Variants in LMTK3 observed in about 807,000 individuals in gnomAD.
LMTK3 encodes the protein serine/threonine-protein kinase LMTK3.
LMTK3 carries 27 observed loss-of-function variants against 116.7 expected under a neutral mutation model. The observed-to-expected ratio is 0.23, with a 90% CI of 0.17 to 0.32. LMTK3 has a LOEUF of 0.32. Ranked by LOEUF, LMTK3 falls within the 10% of genes least tolerant of loss-of-function variation. LMTK3 has a pLI of 1.00. For missense variants in LMTK3, 1,764 were observed against 2,068.5 expected, an observed-to-expected ratio of 0.85 and a Z score of 2.86; for synonymous variants, 965 against 971.0, an observed-to-expected ratio of 0.99 and a Z score of 0.11.
chr19:48,509,243 C>T (rs529008034), intron 4 of LMTK3, among the ~76,000 whole-genome samples, 194 bp downstream of exon 4: 1 of 142,616 alleles, frequency 7.0e-6, no homozygotes, highest in South Asian at 2.6e-4. Context: ...AGGAGGGAGG[C>T]GCTGACTGAC....
intron 14 of LMTK3, among the ~76,000 whole-genome samples, chr19:48,487,179 G>C (rs576247215): frequency 1.5e-4 from 23 of 151,992 alleles, no homozygotes; most frequent in Admixed American, 3.9e-4. Flanking sequence ...AGATTACAGA[G>C]GTGTGCCACC....
At position 48,485,511 on chromosome 19, in the gene LMTK3, C is replaced by G. The variant is rs1972105932; in HGVS notation, c.*262G>C. On this transcript the variant is annotated 3_prime_UTR_variant, in exon 15 of 15. Coordinates refer to ENST00000600059, the MANE Select transcript of LMTK3 (RefSeq NM_001388485.1). ...CAGTTCAGTTCCGAGAAAGGCGGCTCTCTATGGAGGGGCGGGGGGATTCCT... is the reference window on the plus strand; with the variant it reads ...CAGTTCAGTTCCGAGAAAGGCGGCTGTCTATGGAGGGGCGGGGGGATTCCT... 2 of 505,132 alleles carry G rather than the reference C, an allele frequency of 4.0e-6. No homozygotes were observed. The highest frequency in any genetic ancestry group is 7.1e-6 in the Non-Finnish European group (2 of 283,464). The allele number at this position is 505,132 out of a possible 1,614,324, so 31.3% of individuals were successfully genotyped here.
chr19:48,505,879 G>A (rs922649429), intron 5 of LMTK3, among the ~76,000 whole-genome samples: 15 of 137,520 alleles, frequency 1.1e-4, no homozygotes, highest in African/African-American at 3.3e-4. Flanking sequence ...AAAAAAAAAA[G>A]TCTGTAATCC....
chr19:48,503,479 C>G (rs959637253), intron 5 of LMTK3, among the ~76,000 whole-genome samples: 3 of 152,060 alleles, frequency 2.0e-5, no homozygotes, highest in Admixed American at 1.3e-4. Context: ...TCCCCAGGGA[C>G]CCCTTTACCT....
chr19:48,493,691 C>T lies in LMTK3; in HGVS notation c.4092+3G>A. 6.4e-7 allele frequency: 1 copy of T among 1,566,298 alleles called. No homozygotes were observed. ...CGAAACCGCGCCCTCTCGGGTTCCG[C>T]ACCTGGTCGAAGAGGTAGACGGTCA... On this transcript the variant is annotated splice_donor_region_variant and intron_variant, in intron 12 of 14. Coordinates refer to ENST00000600059, the MANE Select transcript of LMTK3 (RefSeq NM_001388485.1).
At chr19:48,490,797 A>G (rs538429644) in intron 14 of LMTK3, among the ~76,000 whole-genome samples, 17 of 152,308 alleles carry the variant, frequency 1.1e-4, no homozygotes, top group Non-Finnish European at 2.4e-4. Context: ...GGCAAGTGCC[A>G]GGCCGGAGTC....
In LMTK3 at chr19:48,509,422, C is replaced by G. The variant is rs1192898198; in HGVS notation, c.438+15G>C. 6.4e-7 allele frequency: 1 copy of G among 1,551,480 alleles called. No individual in the cohort carries two copies. Among genetic ancestry groups the G allele is most frequent in the African/African-American group, 1.4e-5 (1 of 73,010 alleles). ...GGATCCATGGAGCCCTGCCTCCCCT[C>G]CCCAGCCCACTCACCTTCCCAAACC... On this transcript the variant is annotated intron_variant, in intron 4 of 14. Transcript: ENST00000600059.
intron 11 of LMTK3, among the ~76,000 whole-genome samples, chr19:48,496,556 C>T (rs999658806): frequency 2.0e-5 from 3 of 152,252 alleles, no homozygotes; most frequent in Non-Finnish European, 4.4e-5. Flanking sequence ...ACCTCGGCCT[C>T]CCAAAGTGCT....
intron 5 of LMTK3, 127 bp downstream of exon 5, chr19:48,508,724 G>A (rs1462288138): frequency 2.6e-6 from 2 of 768,344 alleles, no homozygotes; most frequent in Non-Finnish European, 4.5e-6. Flanking sequence ...GGTTCAGGGA[G>A]GGAAGTTCTC....
At position 48,510,656 on chromosome 19, in the gene LMTK3, C is replaced by T; in HGVS notation, c.77-64G>A. 15 of 1,472,310 alleles carry T rather than the reference C, an allele frequency of 1.0e-5. 1 individual carries two copies. In the South Asian group the frequency reaches 1.9e-4, roughly 19 times the overall value. The allele number at this position is 1,472,310 out of a possible 1,614,324, so 91.2% of individuals were successfully genotyped here. A position where few individuals can be genotyped will look rare whatever the true frequency, so the allele number is the denominator to read the frequency against. ...TCCCTGGATACCGGAATCATGCCCCCTCCCGTCCCGGCACGTCTTGGACTA... is the reference window on the plus strand; with the variant it reads ...TCCCTGGATACCGGAATCATGCCCCTTCCCGTCCCGGCACGTCTTGGACTA... On this transcript the variant is annotated intron_variant, in intron 1 of 14. Coordinates refer to ENST00000600059, the MANE Select transcript of LMTK3 (RefSeq NM_001388485.1).
chr19:48,511,367 T>C (rs1444595018), intron 1 of LMTK3, 134 bp downstream of exon 1: 2 of 262,674 alleles, frequency 7.6e-6, no homozygotes, highest in African/African-American at 2.4e-5. Flanking sequence ...TCCCCGCCGC[T>C]CCGGGCCCTG....
Position 48,493,732 on chromosome 19 carries a change from A to C in LMTK3, c.4054T>G (p.Ser1352Ala). The stretch of plus-strand genomic sequence containing the variant: ...TAGACGGTCACGTCCCCGTGGAAGG[A>C]GACCATCTTGCGCTTCCTCTCCAGC... ...SELERKRKMV[S>A]FHGDVTVYLF... The change falls in exon 12 of 15, where the codon TCC (serine) becomes GCC (alanine). Residue 1352 changes from serine (S) to alanine (A), a missense_variant. Ser to Ala is a moderately conservative substitution (Grantham distance 99). Around this residue, in one of 7 missense-constraint regions of LMTK3, gnomAD observed 281 missense variants for 301.4 expected, o/e 0.93. Coordinates refer to ENST00000600059, the MANE Select transcript of LMTK3 (RefSeq NM_001388485.1). 6.3e-7 allele frequency: 1 copy of C among 1,575,976 alleles called. No homozygotes were observed. Among genetic ancestry groups the C allele is most frequent in the Non-Finnish European group, 8.6e-7 (1 of 1,162,668 alleles).
chr19:48,498,669 A>C lies in LMTK3; in HGVS notation c.2400T>G (p.Pro800=). ...PGDSGYETET[P]FSPEGAFPGG... Reference sequence around the variant, plus strand: ...CTGGGAAGGCTCCCTCTGGGGAAAAAGGGGTCTCGGTCTCGTAGCCGCTGT... The same window carrying C: ...CTGGGAAGGCTCCCTCTGGGGAAAACGGGGTCTCGGTCTCGTAGCCGCTGT... The change falls in exon 11 of 15, where the codon CCT becomes CCG. Residue 800 remains proline (P), a synonymous_variant. Coordinates refer to ENST00000600059, the MANE Select transcript of LMTK3 (RefSeq NM_001388485.1). The C allele has an allele frequency of 6.5e-7, 1 of 1,537,792 alleles. No homozygotes were observed. Among genetic ancestry groups the C allele is most frequent in the Non-Finnish European group, 8.7e-7 (1 of 1,144,624 alleles).
Position 48,500,662 on chromosome 19 carries a change from A to G in LMTK3, c.1151+334T>C, listed in dbSNP as rs1234938680. 1.3e-5 allele frequency among the ~76,000 whole-genome samples: 2 copies of G among 152,168 alleles called. No individual in the cohort carries two copies. The highest frequency in any genetic ancestry group is 2.9e-5 in the Non-Finnish European group (2 of 68,018). ...GGAAGATGCCCATAGAGAGAGGCTG[A>G]CGGGACCTGGAGGCAGAGGGGACAC... On this transcript the variant is annotated intron_variant, in intron 10 of 14. Coordinates refer to ENST00000600059, the MANE Select transcript of LMTK3 (RefSeq NM_001388485.1). This position sits in a 1 kb window ranked among gnomAD's most constrained non-coding sequence, Gnocchi z 4.0.
chr19:48,488,460 C>T (rs1002306713), intron 14 of LMTK3, among the ~76,000 whole-genome samples: 1 of 152,114 alleles, frequency 6.6e-6, no homozygotes, highest in Non-Finnish European at 1.5e-5. Flanking sequence ...CTACACCCAA[C>T]ATTGACTTCC....
chr19:48,499,499 G>A lies in LMTK3; in HGVS notation c.1570C>T (p.Leu524=). 7.0e-7 allele frequency: 1 copy of A among 1,432,234 alleles called. No homozygotes were observed. The highest frequency in any genetic ancestry group is 9.2e-7 in the Non-Finnish European group (1 of 1,088,416). 88.7% of individuals were successfully genotyped at this position (1,432,234 alleles called of 1,614,324 possible). A position where few individuals can be genotyped will look rare whatever the true frequency, so the allele number is the denominator to read the frequency against. Reference sequence around the variant, plus strand: ...GGGCTGCGGGCGCTGATGACAGGCAGCACGCTGGGCGTGGACAGCGCCTCG... The same window carrying A: ...GGGCTGCGGGCGCTGATGACAGGCAACACGCTGGGCGTGGACAGCGCCTCG... The part of the protein sequence containing the change: ...FYEALSTPSV[L]PVISARSPSV... Residue 524 remains leucine (L), a synonymous_variant, in exon 11 of 15, where the codon CTG becomes TTG. Coordinates refer to ENST00000600059, the MANE Select transcript of LMTK3 (RefSeq NM_001388485.1).
Position 48,499,809 on chromosome 19 carries a change from T to C in LMTK3, c.1260A>G (p.Pro420=). ...CGTCTCGGGGTGGGGGTGGCGGCGG[T>C]GGGGGCCGGGGAGGCCGCTCGGAGA... ...YLLSERPPRP[P]PPPPPPRDGP... is the part of the protein sequence containing the mutation. Residue 420 remains proline (P), a synonymous_variant, in exon 11 of 15, where the codon CCA becomes CCG. Transcript: ENST00000600059. The C allele has an allele frequency of 3.2e-6, 2 of 618,256 alleles. No homozygotes were observed. Among genetic ancestry groups the C allele is most frequent in the East Asian group, 9.2e-5 (1 of 10,860 alleles). 38.3% of individuals were successfully genotyped at this position (618,256 alleles called of 1,614,324 possible).
In LMTK3 at chr19:48,498,429, C is replaced by A. The variant is rs200612607; in HGVS notation, c.2640G>T (p.Ala880=). The A allele has an allele frequency of 1.2e-6, 2 of 1,606,406 alleles. No homozygotes were observed. Among genetic ancestry groups the A allele is most frequent in the Admixed American group, 1.7e-5 (1 of 58,926 alleles). The change falls in exon 11 of 15, where the codon GCG becomes GCT. Residue 880 remains alanine, a synonymous_variant. Transcript: ENST00000600059. The part of the protein sequence containing the change: ...VTRNLLGEKG[A]TARETGPRKA... ...TCCTGGGTCCTGTCTCCCGGGCTGTCGCCCCCTTCTCCCCCAGGAGGTTCC... is the reference window on the plus strand; with the variant it reads ...TCCTGGGTCCTGTCTCCCGGGCTGTAGCCCCCTTCTCCCCCAGGAGGTTCC...
chr19:48,501,326 C>T lies in LMTK3; in HGVS notation c.958G>A (p.Gly320Arg), dbSNP rs1972461971. ...AAPELLGELH[G>R]TFMVVDQSRE... is the part of the protein sequence containing the mutation. ...CTCTGGTCCACCACCATGAAGGTCC[C>T]GTGGAGCTCCCCGAGGAGCTCGGGC... The change falls in exon 9 of 15, where the codon GGG becomes AGG. Residue 320 changes from glycine to arginine, a missense_variant. By Grantham distance (125) the Gly-to-Arg change is moderately radical. This residue lies in a region of LMTK3 where 271 missense variants were observed against 478.2 expected (regional missense o/e 0.57). Transcript: ENST00000600059. 1 of 1,613,530 alleles carries T rather than the reference C, an allele frequency of 6.2e-7. No homozygotes were observed. The highest frequency in any genetic ancestry group is 8.5e-7 in the Non-Finnish European group (1 of 1,179,788).
Sources: gnomAD v4.1 joint callset for allele counts (sites outside exome capture counted in the v4.1 genomes callset) on GRCh38, gnomAD v4.1.1 for gene constraint, gnomAD v4.1.1 regional missense constraint, Gnocchi (gnomAD v3.1) non-coding constraint, MANE v1.5 for transcripts, NCBI Gene and HGNC (gene_info 2026-07-23, HGNC 2026-07-21) for gene names.